Variants in CRYL1 observed in about 807,000 individuals in gnomAD.
CRYL1 encodes the protein crystallin lambda 1.
In CRYL1, 29 loss-of-function variants were observed where a neutral mutation model predicts 36.6. The ratio of observed to expected loss-of-function variants is 0.79; its 90% confidence interval spans 0.59 to 1.08. CRYL1 has a LOEUF of 1.08. CRYL1 is among the 50% of genes least tolerant of loss of function. The probability of loss-of-function intolerance (pLI) is 0.00; values close to 1 mark genes in which losing one functional copy is unlikely to be tolerated. For missense variants in CRYL1, 411 were observed against 407.9 expected, an observed-to-expected ratio of 1.01 and a Z score of -0.06; for synonymous variants, 152 against 151.5, an observed-to-expected ratio of 1.00 and a Z score of -0.02.
chr13:20,442,892 G>A (rs865800907), intron 3 of CRYL1, among the ~76,000 whole-genome samples: 26 of 152,274 alleles, frequency 1.7e-4, no homozygotes, highest in African/African-American at 6.0e-4. Flanking sequence ...ACTCTGGGGA[G>A]AGGTAAAGCA....
At chr13:20,487,564 A>C (rs2033425025) in intron 3 of CRYL1, among the ~76,000 whole-genome samples, 1 of 152,216 alleles carries the variant, frequency 6.6e-6, no homozygotes, top group Non-Finnish European at 1.5e-5. Flanking sequence ...ATATTATAAT[A>C]ATAGATCACT....
In CRYL1 at chr13:20,420,668, G is replaced by GT. The variant is rs957383287; in HGVS notation, c.634-7282dup. Among the ~76,000 whole-genome samples the GT allele has an allele frequency of 8.1e-5, 11 of 136,606 alleles. 1 individual carries two copies. The South Asian group carries it at 2.7e-3, about 34-fold the overall frequency. 89.6% of individuals were successfully genotyped at this position (136,606 alleles called of 152,430 possible). A position where few individuals can be genotyped will look rare whatever the true frequency, so the allele number is the denominator to read the frequency against. ...TTAGGGTAGAGCAAACACAGGTGGA[G>GT]TTTTTCCCTTTGACTTTTCTTTAAA... On this transcript the variant is annotated intron_variant, in intron 5 of 7. Coordinates refer to ENST00000298248, the MANE Select transcript of CRYL1 (RefSeq NM_015974.3).
intron 2 of CRYL1, among the ~76,000 whole-genome samples, chr13:20,492,782 G>A (rs2033535112): frequency 6.6e-6 from 1 of 152,186 alleles, no homozygotes; most frequent in African/African-American, 2.4e-5. Flanking sequence ...TCTAACTGTG[G>A]TTGCAGGTAT....
intron 3 of CRYL1, among the ~76,000 whole-genome samples, chr13:20,451,050 G>T (rs112615056): frequency 6.9e-6 from 1 of 144,330 alleles, no homozygotes; most frequent in African/African-American, 2.6e-5. Flanking sequence ...ATCACACACC[G>T]GGCCTGTCGA....
At chr13:20,450,128 CA>C (rs1415345988) in intron 3 of CRYL1, among the ~76,000 whole-genome samples, 1 of 151,950 alleles carries the variant, frequency 6.6e-6, no homozygotes, top group Non-Finnish European at 1.5e-5. Context: ...CGAGCCTGAA[CA>C]AAAATCCAGC....
chr13:20,419,826 C>T (rs1020596028), intron 5 of CRYL1, among the ~76,000 whole-genome samples: 3 of 152,220 alleles, frequency 2.0e-5, no homozygotes, highest in Non-Finnish European at 4.4e-5. Context: ...CACATGTTTT[C>T]GTTTTCTATA....
At chr13:20,514,807 A>AAAAATGT (rs2033972844) in intron 1 of CRYL1, among the ~76,000 whole-genome samples, 1 of 152,160 alleles carries the variant, frequency 6.6e-6, no homozygotes, top group Non-Finnish European at 1.5e-5. Context: ...ATTTTTCTGT[A>AAAAATGT]AAAATGTAAA....
intron 5 of CRYL1, among the ~76,000 whole-genome samples, chr13:20,424,430 G>C (rs1245815506): frequency 6.6e-6 from 1 of 152,224 alleles, no homozygotes; most frequent in Non-Finnish European, 1.5e-5. Context: ...TCAGAGCCAA[G>C]AGAGCTCTCC....
At position 20,507,091 on chromosome 13, in the gene CRYL1, C is replaced by A. The variant is rs566538030; in HGVS notation, c.149+5352G>T. On this transcript the variant is annotated intron_variant, in intron 2 of 7. Coordinates refer to ENST00000298248, the MANE Select transcript of CRYL1 (RefSeq NM_015974.3). ...GTGAGATGTGCCGTTCACCTTCAAC[C>A]ATGATTGTGAGGCCTCCCCAGCCGC... is the stretch of plus-strand genomic sequence containing the variant. 3.5e-4 allele frequency among the ~76,000 whole-genome samples: 53 copies of A among 152,328 alleles called. 1 individual carries two copies. The highest frequency in any genetic ancestry group is 9.6e-4 in the African/African-American group (40 of 41,578).
At chr13:20,486,808 T>C (rs2033409062) in intron 3 of CRYL1, among the ~76,000 whole-genome samples, 1 of 152,170 alleles carries the variant, frequency 6.6e-6, no homozygotes, top group Non-Finnish European at 1.5e-5. Context: ...CAGAACGCCA[T>C]ATACTGCCCC....
At chr13:20,460,782 C>T (rs1371674652) in intron 3 of CRYL1, among the ~76,000 whole-genome samples, 1 of 152,170 alleles carries the variant, frequency 6.6e-6, no homozygotes, top group East Asian at 1.9e-4. Context: ...GTCTCCGCCT[C>T]CCAAAGTGCT....
intron 2 of CRYL1, among the ~76,000 whole-genome samples, chr13:20,495,453 GT>G (rs2137481464): frequency 6.6e-6 from 1 of 152,120 alleles, no homozygotes; most frequent in African/African-American, 2.4e-5. Context: ...TTTTTTTAAT[GT>G]TTCTATCTTT....
chr13:20,412,999 C>T (rs1005244822), intron 6 of CRYL1, among the ~76,000 whole-genome samples: 3 of 152,178 alleles, frequency 2.0e-5, no homozygotes, highest in Admixed American at 1.3e-4. Context: ...GGCTGGGTGA[C>T]ATGCTGCGAA....
At chr13:20,432,329 G>A (rs1348527654) in intron 4 of CRYL1, 33 bp from the exon 5 acceptor site, 2 of 1,560,462 alleles carry the variant, frequency 1.3e-6, no homozygotes, top group Non-Finnish European at 1.8e-6. Flanking sequence ...GGGAGTCAAG[G>A]AGATGATCCT....
At chr13:20,522,315 A>C (rs1460663883) in intron 1 of CRYL1, among the ~76,000 whole-genome samples, 1 of 151,980 alleles carries the variant, frequency 6.6e-6, no homozygotes, top group Non-Finnish European at 1.5e-5. Context: ...GTGCCACTGC[A>C]CTTCAGCCTG....
intron 4 of CRYL1, among the ~76,000 whole-genome samples, chr13:20,437,278 T>C (rs2032242302): frequency 6.6e-6 from 1 of 152,090 alleles, no homozygotes; most frequent in Non-Finnish European, 1.5e-5. Flanking sequence ...CGGTTTTGTT[T>C]AAAAATAATT....
At chr13:20,466,535 G>T (rs923574870) in intron 3 of CRYL1, among the ~76,000 whole-genome samples, 1 of 152,186 alleles carries the variant, frequency 6.6e-6, no homozygotes, top group Non-Finnish European at 1.5e-5. Flanking sequence ...AGCAGAAGCA[G>T]CTCAAATACA....
At chr13:20,442,607 C>T (rs112085123) in intron 3 of CRYL1, among the ~76,000 whole-genome samples, 1 of 152,160 alleles carries the variant, frequency 6.6e-6, no homozygotes, top group Non-Finnish European at 1.5e-5. Context: ...CCCTCTCCAA[C>T]CCAGAGAGAT....
intron 5 of CRYL1, chr13:20,427,109 A>G: frequency 2.0e-6 from 2 of 985,514 alleles, no homozygotes; most frequent in Non-Finnish European, 2.4e-6. Context: ...CCAAAAGTCT[A>G]TTGTCACAAC....
Sources: allele counts gnomAD v4.1 joint callset (sites outside exome capture counted in the v4.1 genomes callset), GRCh38; gene constraint gnomAD v4.1.1; transcripts MANE v1.5; gene names NCBI Gene and HGNC (gene_info 2026-07-23, HGNC 2026-07-21).